Variants in KSR2 observed in about 807,000 individuals in gnomAD.
KSR2 encodes kinase suppressor of ras 2.
A neutral mutation model predicts 107.8 loss-of-function variants in KSR2; 25 were observed. That is an observed-to-expected ratio of 0.23 (90% CI 0.17 to 0.32). KSR2 has a LOEUF of 0.32. KSR2 is among the 10% of genes least tolerant of loss of function. The pLI is 1.00. For synonymous variants in KSR2, 480 were observed against 507.0 expected, an observed-to-expected ratio of 0.95 and a Z score of 0.71; for missense variants, 887 against 1,268.9, an observed-to-expected ratio of 0.70 and a Z score of 4.57.
intron 3 of KSR2, among the ~76,000 whole-genome samples, chr12:117,789,980 G>A (rs896440975): frequency 2.0e-5 from 3 of 152,142 alleles, no homozygotes; most frequent in African/African-American, 7.2e-5. Flanking sequence ...GTATCTGGAG[G>A]AAGACACGCT....
At chr12:117,813,676 G>A (rs1891276740) in intron 3 of KSR2, among the ~76,000 whole-genome samples, 1 of 152,132 alleles carries the variant, frequency 6.6e-6, no homozygotes, top group African/African-American at 2.4e-5. Context: ...TTGTTGGTGC[G>A]AATGTAAACT....
At chr12:117,515,220 T>A (rs1874292760) in intron 14 of KSR2, among the ~76,000 whole-genome samples, 1 of 152,214 alleles carries the variant, frequency 6.6e-6, no homozygotes, top group Non-Finnish European at 1.5e-5. Context: ...ACTGCACTGT[T>A]ATAACTTACA....
chr12:117,497,682 T>C (rs1160968371), intron 14 of KSR2, among the ~76,000 whole-genome samples: 1 of 152,172 alleles, frequency 6.6e-6, no homozygotes, highest in Non-Finnish European at 1.5e-5. Flanking sequence ...CAGAACCACC[T>C]GAGATAATCC....
Position 117,875,333 on chromosome 12 carries a change from A to ATTTTTTT in KSR2, c.181-14909_181-14903dup, listed in dbSNP as rs56091034. 5.8e-5 allele frequency among the ~76,000 whole-genome samples: 8 copies of ATTTTTTT among 138,016 alleles called. No homozygotes were observed. The South Asian group carries it at 9.4e-4, about 16-fold the overall frequency. The allele number at this position is 138,016 out of a possible 152,430, so 90.5% of individuals were successfully genotyped here. On this transcript the variant is annotated intron_variant, in intron 1 of 19. Transcript: ENST00000339824. Reference sequence around the variant, plus strand: ...TCCAAATCCTCACCCCTTAGGTGCTATTTTTTTTTTTTTTTTTTAAGAACG... The same window carrying ATTTTTTT: ...TCCAAATCCTCACCCCTTAGGTGCTATTTTTTTTTTTTTTTTTTTTTTTTTAAGAACG...
chr12:117,518,448 AACTGACAGTC>A (rs1490694561), intron 14 of KSR2, among the ~76,000 whole-genome samples: 2 of 152,220 alleles, frequency 1.3e-5, no homozygotes, highest in African/African-American at 4.8e-5. Flanking sequence ...GGAAATGGCA[AACTGACAGTC>A]AGGATACCCC....
At chr12:117,632,218 CTTTTTTTT>C (rs544594793) in intron 5 of KSR2, among the ~76,000 whole-genome samples, 2 of 84,028 alleles carry the variant, frequency 2.4e-5, no homozygotes, top group African/African-American at 4.8e-5. Context: ...AGTCCTACTC[CTTTTTTTT>C]TTTTTTTTTT....
intron 4 of KSR2, among the ~76,000 whole-genome samples, chr12:117,720,363 C>G (rs1887158172): frequency 6.6e-6 from 1 of 152,196 alleles, no homozygotes; most frequent in South Asian, 2.1e-4. Context: ...CCTTCCTCCC[C>G]AGGTGCACCT....
At chr12:117,803,968 G>C (rs4547183) in intron 3 of KSR2, among the ~76,000 whole-genome samples, 28,164 of 152,148 alleles carry the variant, frequency 0.19, 4,644 homozygotes, top group African/African-American at 0.44. Flanking sequence ...CACCGTATAA[G>C]GGGTTAACAA....
chr12:117,834,371 T>C (rs1047626926), intron 3 of KSR2, among the ~76,000 whole-genome samples: 14 of 143,158 alleles, frequency 9.8e-5, no homozygotes, highest in African/African-American at 3.7e-4. Context: ...CGTATGTTAC[T>C]GACTTCAATA....
intron 4 of KSR2, among the ~76,000 whole-genome samples, chr12:117,733,740 C>T (rs1887823525): frequency 6.6e-6 from 1 of 152,116 alleles, no homozygotes; most frequent in Non-Finnish European, 1.5e-5. Context: ...CAGCCCTTTC[C>T]CCTCTGAATT....
intron 5 of KSR2, among the ~76,000 whole-genome samples, chr12:117,636,187 C>A (rs1883064961): frequency 6.6e-6 from 1 of 152,122 alleles, no homozygotes; most frequent in Non-Finnish European, 1.5e-5. Context: ...TACAATACCA[C>A]ATTTCATTGA....
intron 7 of KSR2, among the ~76,000 whole-genome samples, chr12:117,572,619 A>G (rs1004907025): frequency 6.6e-5 from 10 of 151,994 alleles, no homozygotes; most frequent in Admixed American, 6.6e-4. Context: ...AGCTAAAACA[A>G]GCATAGGAGA....
intron 9 of KSR2, among the ~76,000 whole-genome samples, chr12:117,554,706 G>T (rs932957069): frequency 6.6e-6 from 1 of 152,110 alleles, no homozygotes; most frequent in Non-Finnish European, 1.5e-5. Context: ...TGTGCCTTTC[G>T]CCTTCTGCCA....
At chr12:117,957,983 C>CACTGCA (rs1896563562) in intron 1 of KSR2, among the ~76,000 whole-genome samples, 1 of 152,088 alleles carries the variant, frequency 6.6e-6, no homozygotes, top group East Asian at 1.9e-4. Flanking sequence ...AGGCATGTGC[C>CACTGCA]CCCACACCAG....
intron 16 of KSR2, among the ~76,000 whole-genome samples, chr12:117,480,028 A>ATGTGTGTGTGTG (rs55877244): frequency 3.9e-4 from 58 of 148,642 alleles, no homozygotes; most frequent in African/African-American, 1.4e-3. Context: ...ACACATGTGT[A>ATGTGTGTGTGTG]TGTGTGTGTG....
intron 1 of KSR2, among the ~76,000 whole-genome samples, chr12:117,948,350 C>T (rs561144101): frequency 1.3e-5 from 2 of 151,912 alleles, no homozygotes; most frequent in Non-Finnish European, 2.9e-5. Context: ...ATTAGCTGGG[C>T]GTGTTGGCGT....
chr12:117,631,568 T>C (rs992392198), intron 5 of KSR2, among the ~76,000 whole-genome samples: 1 of 152,210 alleles, frequency 6.6e-6, no homozygotes, highest in Non-Finnish European at 1.5e-5. Flanking sequence ...TTTTCATGCC[T>C]AATTATTTTT....
chr12:117,617,365 A>G (rs1395313428), intron 5 of KSR2, among the ~76,000 whole-genome samples: 4 of 152,066 alleles, frequency 2.6e-5, no homozygotes, highest in African/African-American at 7.2e-5. Context: ...TCTTCATTTC[A>G]GTTTTTGAAT....
At chr12:117,829,868 A>T (rs1891894323) in intron 3 of KSR2, among the ~76,000 whole-genome samples, 1 of 152,262 alleles carries the variant, frequency 6.6e-6, no homozygotes, top group East Asian at 1.9e-4. Flanking sequence ...GGCATAAAGC[A>T]GACAGGCTCA....
Sources: gnomAD v4.1 joint callset for allele counts (sites outside exome capture counted in the v4.1 genomes callset) on GRCh38, gnomAD v4.1.1 for gene constraint, MANE v1.5 for transcripts, NCBI Gene and HGNC (gene_info 2026-07-23, HGNC 2026-07-21) for gene names.